The following NTNG1 variants were observed in gnomAD, a reference collection of about 807,000 sequenced individuals.
The protein encoded by NTNG1 is netrin G1, also known as netrin-G1.
Under a neutral mutation model 54.0 loss-of-function variants are expected in NTNG1, and 16 were observed. The observed-to-expected ratio is 0.30, with a 90% CI of 0.20 to 0.45. The LOEUF is 0.45. Ranked by LOEUF, NTNG1 falls within the 20% of genes least tolerant of loss-of-function variation. The pLI, the probability that NTNG1 is intolerant of heterozygous loss-of-function variation, is 1.00. For missense variants in NTNG1, 530 were observed against 678.7 expected, an observed-to-expected ratio of 0.78 and a Z score of 2.43; for synonymous variants, 255 against 263.1, an observed-to-expected ratio of 0.97 and a Z score of 0.30.
intron 2 of NTNG1, among the ~76,000 whole-genome samples, chr1:107,251,587 C>A (rs1662611636): frequency 6.6e-6 from 1 of 152,128 alleles, no homozygotes; most frequent in Non-Finnish European, 1.5e-5. Flanking sequence ...TATTCCCTGG[C>A]CATAAAACCT....
chr1:107,376,333 G>A lies in NTNG1; in HGVS notation c.888-18821G>A, dbSNP rs1027203806. On this transcript the variant is annotated intron_variant, in intron 3 of 7. Transcript: ENST00000370068. The stretch of plus-strand genomic sequence containing the variant: ...TGAGGCATGGGAATGGCGTGAACCC[G>A]GGAGGCGGAGCTTACAGTGAGCCGA... 2.8e-4 allele frequency among the ~76,000 whole-genome samples: 42 copies of A among 152,016 alleles called. 1 individual carries two copies. The highest frequency in any genetic ancestry group is 6.8e-3 in the Middle Eastern group (2 of 294).
chr1:107,255,518 T>C (rs887562497), intron 2 of NTNG1, among the ~76,000 whole-genome samples: 6 of 152,214 alleles, frequency 3.9e-5, no homozygotes, highest in Non-Finnish European at 7.3e-5. Context: ...AAGTTCTTCT[T>C]TTCCTGTGTG....
intron 2 of NTNG1, among the ~76,000 whole-genome samples, chr1:107,190,251 G>A (rs1342616405): frequency 6.6e-6 from 1 of 152,032 alleles, no homozygotes; most frequent in Non-Finnish European, 1.5e-5. Context: ...TGGTTGCAAA[G>A]CAATGTTAAC....
chr1:107,159,559 A>G (rs1430152294), intron 2 of NTNG1, among the ~76,000 whole-genome samples: 1 of 152,176 alleles, frequency 6.6e-6, no homozygotes, highest in Admixed American at 6.5e-5. Flanking sequence ...AGGTTAAATA[A>G]TTATTCTAAG....
At chr1:107,319,740 TC>T (rs1241677462) in intron 2 of NTNG1, among the ~76,000 whole-genome samples, 2 of 152,020 alleles carry the variant, frequency 1.3e-5, no homozygotes, top group African/African-American at 4.8e-5. Flanking sequence ...GTGGCAAATC[TC>T]GCGTAAGAAT....
chr1:107,456,062 C>G (rs1676937496), intron 7 of NTNG1, among the ~76,000 whole-genome samples: 1 of 152,140 alleles, frequency 6.6e-6, no homozygotes, highest in Admixed American at 6.5e-5. Context: ...ACACAGTGTC[C>G]TATGATGATG....
intron 7 of NTNG1, among the ~76,000 whole-genome samples, chr1:107,444,941 TGTGA>T (rs1676215445): frequency 6.6e-6 from 1 of 152,094 alleles, no homozygotes; most frequent in Non-Finnish European, 1.5e-5. Flanking sequence ...TGAGTGTATG[TGTGA>T]GTGTGTATGT....
At chr1:107,459,704 C>T (rs1677162786) in intron 7 of NTNG1, among the ~76,000 whole-genome samples, 1 of 152,146 alleles carries the variant, frequency 6.6e-6, no homozygotes, top group Admixed American at 6.5e-5. Context: ...AGCAGGACAC[C>T]AGCAGGAGAG....
chr1:107,436,320 G>A (rs1377512185), intron 6 of NTNG1, among the ~76,000 whole-genome samples: 1 of 152,106 alleles, frequency 6.6e-6, no homozygotes, highest in Non-Finnish European at 1.5e-5. Flanking sequence ...TTACACTGAT[G>A]GCATATTGAT....
chr1:107,376,563 G>T (rs1471873336), intron 3 of NTNG1, among the ~76,000 whole-genome samples: 1 of 152,168 alleles, frequency 6.6e-6, no homozygotes, highest in African/African-American at 2.4e-5. Flanking sequence ...AGGAGCCTGA[G>T]ATCCTACCCA....
At chr1:107,294,362 C>T (rs1665809794) in intron 2 of NTNG1, among the ~76,000 whole-genome samples, 1 of 152,142 alleles carries the variant, frequency 6.6e-6, no homozygotes, top group African/African-American at 2.4e-5. Context: ...CATGTTGCAC[C>T]CCCGAGGGAG....
intron 2 of NTNG1, among the ~76,000 whole-genome samples, chr1:107,174,160 A>T (rs1656466123): frequency 6.6e-6 from 1 of 152,184 alleles, no homozygotes. Context: ...AGATTTACTT[A>T]ATGATGAGTG....
intron 2 of NTNG1, among the ~76,000 whole-genome samples, chr1:107,278,628 C>T (rs1664641114): frequency 6.6e-6 from 1 of 152,124 alleles, no homozygotes; most frequent in Admixed American, 6.6e-5. Flanking sequence ...ATCTCCATAA[C>T]CTCTCTTTCA....
In NTNG1 at chr1:107,431,247, A is replaced by AAACTT. The variant is rs574115691; in HGVS notation, c.1255+333_1255+337dup. On this transcript the variant is annotated intron_variant, in intron 6 of 7. Coordinates refer to ENST00000370068, the MANE Select transcript of NTNG1 (RefSeq NM_001113226.3). The stretch of plus-strand genomic sequence containing the variant: ...GATTCTGAACTGATCTTATAGCCTT[A>AAACTT]AACTTAAGGCTATACATTCAACTTT... Among the ~76,000 whole-genome samples, 49 of 152,148 alleles carry AAACTT rather than the reference A, an allele frequency of 3.2e-4. No homozygotes were observed. The East Asian group carries it at 6.2e-3, about 19-fold the overall frequency.
At chr1:107,354,383 C>A (rs931593250) in intron 3 of NTNG1, among the ~76,000 whole-genome samples, 1 of 144,724 alleles carries the variant, frequency 6.9e-6, no homozygotes, top group Non-Finnish European at 1.5e-5. Context: ...GCAGAAGAAT[C>A]GCTTGAACCC....
At chr1:107,420,251 C>A (rs1570924637) in intron 5 of NTNG1, among the ~76,000 whole-genome samples, 1 of 152,084 alleles carries the variant, frequency 6.6e-6, no homozygotes, top group Admixed American at 6.6e-5. Context: ...ATACCAGTTG[C>A]ACTTTCTTAG....
intron 2 of NTNG1, among the ~76,000 whole-genome samples, chr1:107,272,366 A>C (rs1664204980): frequency 1.3e-5 from 2 of 152,072 alleles, no homozygotes; most frequent in South Asian, 4.1e-4. Flanking sequence ...GAGTTTATAA[A>C]CTAATGATTC....
chr1:107,417,728 T>C (rs934823315), intron 5 of NTNG1, among the ~76,000 whole-genome samples: 28 of 152,082 alleles, frequency 1.8e-4, no homozygotes, highest in Non-Finnish European at 2.6e-4. Flanking sequence ...CTGGACTCAA[T>C]AGATGGTAGG....
At chr1:107,451,499 G>A (rs563703757) in intron 7 of NTNG1, among the ~76,000 whole-genome samples, 9 of 152,138 alleles carry the variant, frequency 5.9e-5, no homozygotes, top group Admixed American at 2.0e-4. Flanking sequence ...GACTGTCATC[G>A]GCAGCACACT....
Sources: allele counts gnomAD v4.1 joint callset (sites outside exome capture counted in the v4.1 genomes callset), GRCh38; gene constraint gnomAD v4.1.1; transcripts MANE v1.5; gene names NCBI Gene and HGNC (gene_info 2026-07-23, HGNC 2026-07-21).